The following NDUFA13 variants were observed in gnomAD, a reference collection of about 807,000 sequenced individuals.
The protein encoded by NDUFA13 is NADH:ubiquinone oxidoreductase subunit A13.
In NDUFA13, 16 loss-of-function variants were observed where a neutral mutation model predicts 17.0. That is an observed-to-expected ratio of 0.94 (90% confidence interval 0.64 to 1.43). The LOEUF (loss-of-function observed/expected upper bound fraction) is 1.43, where lower values mean the gene tolerates loss of function less well. Ranked by LOEUF, NDUFA13 falls within the 40% of genes most tolerant of loss-of-function variation. The pLI, the probability that NDUFA13 is intolerant of heterozygous loss-of-function variation, is 0.00. For missense variants in NDUFA13, 228 were observed against 206.7 expected (o/e 1.10, Z -0.63); for synonymous variants, 87 against 78.4 (o/e 1.11, Z -0.58).
At chr19:19,521,590 T>C (rs958020914) in intron 1 of NDUFA13, among the ~76,000 whole-genome samples, 3 of 152,268 alleles carry the variant, frequency 2.0e-5, no homozygotes, top group African/African-American at 7.2e-5. Flanking sequence ...TTTAGTAGGG[T>C]TTTTTGTTTG....
At chr19:19,524,979 T>C (rs1172574116) in intron 1 of NDUFA13, among the ~76,000 whole-genome samples, 2 of 151,968 alleles carry the variant, frequency 1.3e-5, no homozygotes, top group Non-Finnish European at 2.9e-5. Flanking sequence ...GGAGGCTGCA[T>C]TGAGCCATGA....
At chr19:19,526,154 G>T (rs753681858) in intron 1 of NDUFA13, 28 bp from the exon 2 acceptor site, 78 of 1,611,264 alleles carry the variant, frequency 4.8e-5, no homozygotes, top group Non-Finnish European at 6.2e-5. Context: ...GGGCGGGCTG[G>T]CCCGCTGAGC....
chr19:19,516,282 GC>G lies in NDUFA13; in HGVS notation c.45del (p.Tyr16MetfsTer23), dbSNP rs1340764314. ...KVKQDMPPPG[G>X]YGPIDYKRNL... ...AAGCAGGACATGCCTCCGCCGGGGG[GC>G]TATGGGCCCATCGACTACAAACGGA... On this transcript the variant is annotated frameshift_variant, in exon 1 of 5. Transcript: ENST00000507754. LOFTEE classifies it high-confidence loss of function. The G allele has an allele frequency of 6.2e-7, 1 of 1,613,946 alleles. No individual in the cohort carries two copies. Among genetic ancestry groups the G allele is most frequent in the South Asian group, 1.1e-5 (1 of 91,090 alleles).
At chr19:19,527,680 C>T (rs1280567011) in intron 3 of NDUFA13, 21 bp from the exon 4 acceptor site, 1 of 1,548,686 alleles carries the variant, frequency 6.5e-7, no homozygotes, top group Admixed American at 2.0e-5. Context: ...CCCACCCCCA[C>T]CATCGGCCCC....
At position 19,516,331 on chromosome 19, in the gene NDUFA13, G is replaced by C. The variant is rs2144634216; in HGVS notation, c.93G>C (p.Ser31=). 2 of 1,613,390 alleles carry C rather than the reference G, an allele frequency of 1.2e-6. No homozygotes were observed. Among genetic ancestry groups the C allele is most frequent in the Non-Finnish European group, 1.7e-6 (2 of 1,180,018 alleles). ...GGAACTTGCCGCGTCGAGGACTGTCGGGTCAGTATCACTCTGCGCCGGGGT... is the reference window on the plus strand; with the variant it reads ...GGAACTTGCCGCGTCGAGGACTGTCCGGTCAGTATCACTCTGCGCCGGGGT... The part of the protein sequence containing the change: ...YKRNLPRRGL[S]GYSMLAIGIG... The change falls in exon 1 of 5, where the codon TCG becomes TCC. Residue 31 remains serine (S), a splice_region_variant and synonymous_variant. Coordinates refer to ENST00000507754, the MANE Select transcript of NDUFA13 (RefSeq NM_015965.7).
At chr19:19,521,318 C>T (rs775656971) in intron 1 of NDUFA13, among the ~76,000 whole-genome samples, 1 of 152,200 alleles carries the variant, frequency 6.6e-6, no homozygotes, top group African/African-American at 2.4e-5. Flanking sequence ...GGTCATTGAT[C>T]GTTGATTTGC....
At chr19:19,518,219 C>CT (rs1351503205) in intron 1 of NDUFA13, among the ~76,000 whole-genome samples, 1 of 151,384 alleles carries the variant, frequency 6.6e-6, no homozygotes, top group African/African-American at 2.4e-5. Flanking sequence ...CCTCATTTTT[C>CT]TTTTTTCTTT....
rs755556354 is a variant in NDUFA13, at chr19:19,527,315, G to A, written c.208G>A (p.Ala70Thr). The stretch of plus-strand genomic sequence containing the variant: ...AATCGAGGACTTCGAGGCTCGCATC[G>A]CGCTGTTGCCACTGTTACAGGCAGA... ...LQIEDFEARI[A>T]LLPLLQAETD... Residue 70 changes from alanine to threonine, a missense_variant, in exon 3 of 5, where the codon GCG becomes ACG. Physicochemically the swap from Ala to Thr is moderately conservative, Grantham distance 58. Coordinates refer to ENST00000507754, the MANE Select transcript of NDUFA13 (RefSeq NM_015965.7). 2.5e-5 allele frequency: 41 copies of A among 1,613,964 alleles called. No homozygotes were observed. The Admixed American group carries it at 4.7e-4, about 18-fold the overall frequency.
At chr19:19,525,850 C>T (rs1389397194) in intron 1 of NDUFA13, among the ~76,000 whole-genome samples, 2 of 152,122 alleles carry the variant, frequency 1.3e-5, no homozygotes, top group African/African-American at 4.8e-5. Context: ...GAACTGTGGC[C>T]CAGGTGGCCG....
intron 1 of NDUFA13, among the ~76,000 whole-genome samples, chr19:19,522,984 A>T (rs998681571): frequency 9.9e-5 from 15 of 152,002 alleles, no homozygotes; most frequent in African/African-American, 3.6e-4. Context: ...CCATTGATGA[A>T]CATCTCTGTC....
intron 1 of NDUFA13, 106 bp from the exon 2 acceptor site, chr19:19,526,076 T>C: frequency 6.5e-7 from 1 of 1,547,116 alleles, no homozygotes; most frequent in Non-Finnish European, 8.7e-7. Flanking sequence ...GCCTCACTCC[T>C]GAGAAGCCGC....
intron 1 of NDUFA13, 30 bp downstream of exon 1, chr19:19,516,362 A>G: frequency 6.2e-7 from 1 of 1,609,928 alleles, no homozygotes; most frequent in South Asian, 1.1e-5. Flanking sequence ...GGGGTCTCAG[A>G]GTCTGGGCAC....
intron 1 of NDUFA13, among the ~76,000 whole-genome samples, chr19:19,519,106 G>T (rs1338783169): frequency 6.8e-6 from 1 of 146,914 alleles, no homozygotes; most frequent in East Asian, 2.0e-4. Context: ...GGCCAGGCTG[G>T]TCTCGAACTC....
At chr19:19,516,377 G>A (rs1459149800) in intron 1 of NDUFA13, 45 bp downstream of exon 1, 1 of 1,604,216 alleles carries the variant, frequency 6.2e-7, no homozygotes. Context: ...GGGCACTCGG[G>A]GCTCGGGGGC....
chr19:19,527,760 C>T lies in NDUFA13; in HGVS notation c.305C>T (p.Pro102Leu), dbSNP rs1001155495. The T allele has an allele frequency of 3.2e-6, 5 of 1,552,652 alleles. No individual in the cohort carries two copies. Among genetic ancestry groups the T allele is most frequent in the Admixed American group, 2.0e-5 (1 of 51,030 alleles). The change falls in exon 4 of 5, where the codon CCC (proline) becomes CTC (leucine). Residue 102 changes from proline to leucine, a missense_variant. Physicochemically the swap from Pro to Leu is moderately conservative, Grantham distance 98. Transcript: ENST00000507754. ...EEEAIIMKDV[P>L]DWKVGESVFH... ...GAGGCCATCATCATGAAGGACGTGC[C>T]CGACTGGAAGGTGGGTCCCGGCTGG...
chr19:19,518,944 A>G (rs1294258553), intron 1 of NDUFA13, among the ~76,000 whole-genome samples: 4 of 150,332 alleles, frequency 2.7e-5, no homozygotes, highest in African/African-American at 4.9e-5. Context: ...GGGTTTCTCC[A>G]TGTTGGTCAG....
chr19:19,524,783 G>A (rs1211514453), intron 1 of NDUFA13, among the ~76,000 whole-genome samples: 5 of 152,006 alleles, frequency 3.3e-5, no homozygotes, highest in Admixed American at 2.0e-4. Context: ...CCCAGCCAGG[G>A]CAACAGAGTG....
chr19:19,521,948 T>C (rs1312038539), intron 1 of NDUFA13, among the ~76,000 whole-genome samples: 1 of 152,150 alleles, frequency 6.6e-6, no homozygotes, highest in Non-Finnish European at 1.5e-5. Context: ...TAAGATTGTG[T>C]ATACATATGT....
chr19:19,526,329 G>A lies in NDUFA13; in HGVS notation c.173+69G>A, dbSNP rs1244418125. On this transcript the variant is annotated intron_variant, in intron 2 of 4. Transcript: ENST00000507754. ...AGTTGTCGGGGTCCTGTAGCATTCC[G>A]CTGTTGTCTGTGCTGGCGAGGGGTG... is the stretch of plus-strand genomic sequence containing the variant. 37 of 1,550,504 alleles carry A rather than the reference G, an allele frequency of 2.4e-5. 1 individual carries two copies. The highest frequency in any genetic ancestry group is 2.3e-4 in the African/African-American group (17 of 73,226).
Sources: allele counts gnomAD v4.1 joint callset (sites outside exome capture counted in the v4.1 genomes callset), GRCh38; gene constraint gnomAD v4.1.1; transcripts MANE v1.5; gene names NCBI Gene and HGNC (gene_info 2026-07-23, HGNC 2026-07-21).